The following PCDH15 variants were observed in gnomAD, a reference collection of about 807,000 sequenced individuals.
The protein encoded by PCDH15 is protocadherin related 15.
PCDH15 carries 129 observed loss-of-function variants against 178.5 expected under a neutral mutation model. The ratio of observed to expected loss-of-function variants is 0.72; its 90% CI spans 0.63 to 0.84. The LOEUF is 0.84. PCDH15 is among the 40% of genes least tolerant of loss of function. PCDH15 has a pLI of 0.00. For synonymous variants in PCDH15, 800 were observed against 732.0 expected, an observed-to-expected ratio of 1.09 and a Z score of -1.50; for missense variants, 2,230 against 2,099.9, an observed-to-expected ratio of 1.06 and a Z score of -1.21.
intron 1 of PCDH15, among the ~76,000 whole-genome samples, chr10:55,221,962 G>A (rs1342534738): frequency 1.3e-5 from 2 of 150,862 alleles, no homozygotes; most frequent in Non-Finnish European, 2.9e-5. Context: ...CGCCTCCTGG[G>A]TTCACGCCAT....
At chr10:55,271,639 G>A (rs2132247323) in intron 1 of PCDH15, among the ~76,000 whole-genome samples, 1 of 152,132 alleles carries the variant, frequency 6.6e-6, no homozygotes, top group South Asian at 2.1e-4. Context: ...TGAGTGTCAG[G>A]ATCAGACAGA....
intron 2 of PCDH15, among the ~76,000 whole-genome samples, chr10:55,439,157 C>G (rs996822869): frequency 2.0e-5 from 3 of 152,076 alleles, no homozygotes; most frequent in African/African-American, 7.2e-5. Context: ...CCTGCCTCAG[C>G]CTCTCAAATT....
intron 17 of PCDH15, among the ~76,000 whole-genome samples, chr10:54,073,342 A>C (rs766365341): frequency 6.6e-6 from 1 of 151,910 alleles, no homozygotes; most frequent in Non-Finnish European, 1.5e-5. Flanking sequence ...AAATGTTTAA[A>C]GTTTTACTAT....
At chr10:54,461,258 G>A (rs879583074) in intron 3 of PCDH15, among the ~76,000 whole-genome samples, 26 of 152,072 alleles carry the variant, frequency 1.7e-4, no homozygotes, top group Admixed American at 1.7e-3. Flanking sequence ...TGCTATTGTA[G>A]CATTAGGTTC....
chr10:54,136,915 T>C (rs975238648), intron 14 of PCDH15, among the ~76,000 whole-genome samples: 8 of 152,156 alleles, frequency 5.3e-5, no homozygotes, highest in Admixed American at 4.6e-4. Flanking sequence ...GGAGATCATA[T>C]ATTAAGGTCT....
At chr10:54,964,238 CA>C (rs1838725932) in intron 2 of PCDH15, among the ~76,000 whole-genome samples, 1 of 152,082 alleles carries the variant, frequency 6.6e-6, no homozygotes, top group African/African-American at 2.4e-5. Flanking sequence ...TATGTTTATT[CA>C]AAAGAAACCA....
At chr10:54,017,196 TG>T (rs1404459935) in intron 20 of PCDH15, among the ~76,000 whole-genome samples, 1 of 151,774 alleles carries the variant, frequency 6.6e-6, no homozygotes, top group East Asian at 1.9e-4. Flanking sequence ...GCTAATTTTT[TG>T]TATTTTTAAT....
At chr10:54,622,836 C>G (rs1429363079) in intron 2 of PCDH15, among the ~76,000 whole-genome samples, 1 of 113,518 alleles carries the variant, frequency 8.8e-6, no homozygotes, top group African/African-American at 3.3e-5. Flanking sequence ...TCTCTCGTGT[C>G]TGTGAGCTCC....
chr10:54,386,981 T>G (rs545913337), intron 3 of PCDH15, among the ~76,000 whole-genome samples: 3 of 152,180 alleles, frequency 2.0e-5, no homozygotes, highest in Non-Finnish European at 4.4e-5. Context: ...TGAAAATTGC[T>G]AAGAGAGTAG....
intron 2 of PCDH15, among the ~76,000 whole-genome samples, chr10:55,339,292 A>ACAACAG (rs1488102676): frequency 3.3e-5 from 5 of 151,370 alleles, no homozygotes; most frequent in Admixed American, 1.3e-4. Context: ...ATAACAATTA[A>ACAACAG]CAACAACAAC....
intron 3 of PCDH15, among the ~76,000 whole-genome samples, chr10:54,502,525 A>G (rs981032859): frequency 2.6e-5 from 4 of 152,042 alleles, no homozygotes; most frequent in Non-Finnish European, 5.9e-5. Flanking sequence ...AAAGTACTAT[A>G]TATAAGTTCT....
intron 3 of PCDH15, among the ~76,000 whole-genome samples, chr10:54,829,744 C>T (rs1953191828): frequency 6.6e-6 from 1 of 152,036 alleles, no homozygotes; most frequent in Admixed American, 6.6e-5. Context: ...ACCACCTGGA[C>T]AGTTGTAATT....
At chr10:54,413,168 T>G (rs1953805664) in intron 3 of PCDH15, among the ~76,000 whole-genome samples, 1 of 119,372 alleles carries the variant, frequency 8.4e-6, no homozygotes, top group Non-Finnish European at 2.0e-5. Flanking sequence ...GTATACAATA[T>G]AGCATCTCTC....
intron 3 of PCDH15, among the ~76,000 whole-genome samples, chr10:54,844,624 C>CT (rs556901087): frequency 2.1e-4 from 31 of 150,968 alleles, no homozygotes; most frequent in South Asian, 1.0e-3. Flanking sequence ...TTTTCTTTTG[C>CT]TTTTTTTTTG....
chr10:54,561,448 A>G (rs2088137805), intron 2 of PCDH15, among the ~76,000 whole-genome samples: 1 of 152,198 alleles, frequency 6.6e-6, no homozygotes, highest in Non-Finnish European at 1.5e-5. Flanking sequence ...ATCTTAGTTA[A>G]TCAGGGACTT....
At chr10:55,364,639 C>T (rs1588956418) in intron 2 of PCDH15, among the ~76,000 whole-genome samples, 1 of 151,976 alleles carries the variant, frequency 6.6e-6, no homozygotes, top group East Asian at 1.9e-4. Flanking sequence ...AGTTTTCAGG[C>T]TCATGTCTTC....
At chr10:54,571,224 G>A (rs928217977) in intron 2 of PCDH15, among the ~76,000 whole-genome samples, 3 of 151,082 alleles carry the variant, frequency 2.0e-5, no homozygotes, top group Non-Finnish European at 4.4e-5. Context: ...CAACAACAAA[G>A]TTTTGGGGTA....
At chr10:53,824,069 G>C (rs1299147511) in intron 32 of PCDH15, among the ~76,000 whole-genome samples, 1 of 151,962 alleles carries the variant, frequency 6.6e-6, no homozygotes, top group Admixed American at 6.6e-5. Context: ...AATCAGAAAA[G>C]ATGTTGTCAG....
intron 2 of PCDH15, among the ~76,000 whole-genome samples, chr10:55,459,061 A>C (rs1300615285): frequency 1.3e-5 from 2 of 151,896 alleles, no homozygotes; most frequent in African/African-American, 2.4e-5. Context: ...GGTTTGACTT[A>C]AGAACCAGAT....
Sources: gnomAD v4.1 joint callset for allele counts (sites outside exome capture counted in the v4.1 genomes callset) on GRCh38, gnomAD v4.1.1 for gene constraint, MANE v1.5 for transcripts, NCBI Gene and HGNC (gene_info 2026-07-23, HGNC 2026-07-21) for gene names.